Variants in ZNF292 observed in about 807,000 individuals in gnomAD.
ZNF292 encodes zinc finger protein 292.
A neutral mutation model predicts 217.9 loss-of-function variants in ZNF292; 26 were observed. The observed-to-expected ratio is 0.12, with a 90% CI of 0.09 to 0.17. The LOEUF is 0.17. Among genes scored for constraint, ZNF292 ranks in the 10% least tolerant of loss-of-function variants. The pLI is 1.00. For missense variants in ZNF292, 2,904 were observed against 3,175.2 expected (o/e 0.91, Z 2.05); for synonymous variants, 1,257 against 1,124.1 (o/e 1.12, Z -2.37).
At chr6:87,254,557 A>G (rs1775104282) in intron 7 of ZNF292, 93 bp from the exon 8 acceptor site, 2 of 1,257,024 alleles carry the variant, frequency 1.6e-6, no homozygotes, top group East Asian at 2.3e-5. Context: ...GCAAGATTTG[A>G]GTAAAACAAA....
At chr6:87,240,856 A>C (rs981503874) in intron 5 of ZNF292, among the ~76,000 whole-genome samples, 18 of 152,276 alleles carry the variant, frequency 1.2e-4, no homozygotes, top group Admixed American at 8.5e-4. Flanking sequence ...ATATGGCCTT[A>C]GTATTCCTGT....
At chr6:87,165,527 C>T (rs1026250440) in intron 1 of ZNF292, among the ~76,000 whole-genome samples, 14 of 152,152 alleles carry the variant, frequency 9.2e-5, no homozygotes, top group African/African-American at 1.7e-4. Context: ...CTATGTGTGG[C>T]ACATTCAGTT....
intron 5 of ZNF292, among the ~76,000 whole-genome samples, chr6:87,234,420 A>G (rs765267604): frequency 2.6e-5 from 4 of 152,054 alleles, no homozygotes; most frequent in Non-Finnish European, 4.4e-5. Flanking sequence ...TTAGCTGGGC[A>G]TGGTGGCGGG....
intron 1 of ZNF292, among the ~76,000 whole-genome samples, chr6:87,162,837 A>G (rs1272247550): frequency 6.6e-6 from 1 of 152,206 alleles, no homozygotes; most frequent in Non-Finnish European, 1.5e-5. Context: ...CAAAGGTGAG[A>G]GGTTACATTA....
In ZNF292 at chr6:87,155,576, G is replaced by C; in HGVS notation, c.-16G>C. 1 of 1,570,780 alleles carries C rather than the reference G, an allele frequency of 6.4e-7. No individual in the cohort carries two copies. ...CACGTGACCCAGGTGCGTACGCGAC[G>C]GAGCGGGGTGTGAAGATGGCGGACG... On this transcript the variant is annotated 5_prime_UTR_variant, in exon 1 of 8. Transcript: ENST00000369577.
Position 87,257,678 on chromosome 6 carries a change from G to C in ZNF292, c.4049G>C (p.Gly1350Ala). The C allele has an allele frequency of 1.9e-6, 3 of 1,611,730 alleles. No individual in the cohort carries two copies. The highest frequency in any genetic ancestry group is 2.5e-6 in the Non-Finnish European group (3 of 1,178,778). The change falls in exon 8 of 8, where the codon GGC (glycine) becomes GCC (alanine). Residue 1350 changes from glycine to alanine, a missense_variant. Coordinates refer to ENST00000369577, the MANE Select transcript of ZNF292 (RefSeq NM_015021.3). ...AAAGTTAAAAAAGACCGTGGGCGGG[G>C]CCCAAATGGGAAGGAAAGAAAACCT... Reference protein sequence around the residue: ...PEKVKKDRGRGPNGKERKPKH... With the variant: ...PEKVKKDRGRAPNGKERKPKH...
chr6:87,261,647 A>G lies in ZNF292; in HGVS notation c.8018A>G (p.Asn2673Ser). Residue 2673 changes from asparagine to serine, a missense_variant, in exon 8 of 8, where the codon AAT becomes AGT. Asn to Ser is a conservative substitution (Grantham distance 46). Coordinates refer to ENST00000369577, the MANE Select transcript of ZNF292 (RefSeq NM_015021.3). Reference protein sequence around the residue: ...SDNVKIVLDKNLKDCTELVLK... With the variant: ...SDNVKIVLDKSLKDCTELVLK... ...AATGTAAAAATTGTTTTAGACAAGA[A>G]TCTTAAAGATTGCACTGAGCTTGTC... The G allele has an allele frequency of 6.2e-7, 1 of 1,612,302 alleles. No individual in the cohort carries two copies. Among genetic ancestry groups the G allele is most frequent in the Non-Finnish European group, 8.5e-7 (1 of 1,179,028 alleles).
chr6:87,255,157 G>T lies in ZNF292; in HGVS notation c.1528G>T (p.Asp510Tyr). ...TGGTGCTAATTCTGGCCTTCTTAAA[G>T]ACATTGGTGATGAAAAGCAGAAGAA... ...GVGANSGLLK[D>Y]IGDEKQKKRE... is the part of the protein sequence containing the mutation. Residue 510 changes from aspartate to tyrosine, a missense_variant, in exon 8 of 8, where the codon GAC (aspartate) becomes TAC (tyrosine). By Grantham distance (160) the Asp-to-Tyr change is radical. This residue lies in a region of ZNF292 where 87 missense variants were observed against 99.6 expected (regional missense o/e 0.87). Transcript: ENST00000369577. The T allele has an allele frequency of 6.2e-7, 1 of 1,613,794 alleles. No homozygotes were observed.
chr6:87,252,992 G>T (rs1238309648), intron 7 of ZNF292, among the ~76,000 whole-genome samples: 1 of 151,654 alleles, frequency 6.6e-6, no homozygotes, highest in Non-Finnish European at 1.5e-5. Context: ...CTGCAGCCTC[G>T]AATTCCCAAT....
intron 1 of ZNF292, among the ~76,000 whole-genome samples, chr6:87,208,117 A>G (rs2127794908): frequency 6.6e-6 from 1 of 152,202 alleles, no homozygotes; most frequent in South Asian, 2.1e-4. Flanking sequence ...GCAGTGCTTC[A>G]TTTTCTTTTT....
Position 87,258,928 on chromosome 6 carries a change from A to G in ZNF292, c.5299A>G (p.Asn1767Asp), listed in dbSNP as rs140169399. 4.3e-6 allele frequency: 7 copies of G among 1,610,968 alleles called. No individual in the cohort carries two copies. In the East Asian group the frequency reaches 1.6e-4, roughly 36 times the overall value. Residue 1767 changes from asparagine (N) to aspartate (D), a missense_variant, in exon 8 of 8, where the codon AAT becomes GAT. Coordinates refer to ENST00000369577, the MANE Select transcript of ZNF292 (RefSeq NM_015021.3). Reference protein sequence around the residue: ...KTLEIIKTAMNSQILEVKSGS... With the variant: ...KTLEIIKTAMDSQILEVKSGS... The stretch of plus-strand genomic sequence containing the variant: ...TCTTGAAATTATTAAAACTGCTATG[A>G]ATTCTCAAATACTTGAGGTAAAAAG...
At chr6:87,212,407 G>T (rs560465427) in intron 1 of ZNF292, among the ~76,000 whole-genome samples, 2 of 152,262 alleles carry the variant, frequency 1.3e-5, no homozygotes, top group African/African-American at 4.8e-5. Context: ...AGACTGGGGG[G>T]TGGGGCTACA....
intron 1 of ZNF292, among the ~76,000 whole-genome samples, chr6:87,162,789 A>G (rs1026720936): frequency 2.0e-5 from 3 of 152,244 alleles, no homozygotes; most frequent in Non-Finnish European, 4.4e-5. Flanking sequence ...GTTTTTAACT[A>G]TAAAACTGCT....
intron 4 of ZNF292, among the ~76,000 whole-genome samples, chr6:87,226,258 A>G (rs1460693208): frequency 6.6e-6 from 1 of 152,132 alleles, no homozygotes; most frequent in Non-Finnish European, 1.5e-5. Flanking sequence ...CTAAAGCTTT[A>G]GATTTTCCAT....
chr6:87,184,382 T>C (rs932103688), intron 1 of ZNF292, among the ~76,000 whole-genome samples: 1 of 152,212 alleles, frequency 6.6e-6, no homozygotes, highest in Non-Finnish European at 1.5e-5. Context: ...ATTAAGTATT[T>C]TTCTGCTTTC....
chr6:87,239,083 C>G (rs1330199577), intron 5 of ZNF292, among the ~76,000 whole-genome samples: 1 of 152,266 alleles, frequency 6.6e-6, no homozygotes, highest in African/African-American at 2.4e-5. Context: ...CTACTTCTTT[C>G]TACACAGACA....
At chr6:87,184,966 G>A (rs1465996328) in intron 1 of ZNF292, among the ~76,000 whole-genome samples, 1 of 152,196 alleles carries the variant, frequency 6.6e-6, no homozygotes, top group African/African-American at 2.4e-5. Context: ...TGGTGCCACA[G>A]TGAGGTCAGA....
Position 87,265,028 on chromosome 6 carries a change from T to C in ZNF292, c.*3227T>C, listed in dbSNP as rs1278984344. ...TTTCAGCATGTTTATTGTAGTGAGA[T>C]ACTAGGCAGGTGGAAGGTTATTGCT... is the stretch of plus-strand genomic sequence containing the variant. On this transcript the variant is annotated 3_prime_UTR_variant, in exon 8 of 8. Transcript: ENST00000369577. 6.6e-6 allele frequency among the ~76,000 whole-genome samples: 1 copy of C among 152,124 alleles called. No individual in the cohort carries two copies. Among genetic ancestry groups the C allele is most frequent in the African/African-American group, 2.4e-5 (1 of 41,430 alleles).
chr6:87,159,495 C>CT (rs772140637), intron 1 of ZNF292, among the ~76,000 whole-genome samples: 2,103 of 124,326 alleles, frequency 0.017, 38 homozygotes, highest in African/African-American at 0.042. Flanking sequence ...TCTTTTCTTT[C>CT]TTTTTTTTTT....
Sources: allele counts gnomAD v4.1 joint callset (sites outside exome capture counted in the v4.1 genomes callset), GRCh38; gene constraint gnomAD v4.1.1; regional missense constraint gnomAD v4.1.1; transcripts MANE v1.5; gene names NCBI Gene and HGNC (gene_info 2026-07-23, HGNC 2026-07-21).